The following WDR88 variants were observed in gnomAD, a reference collection of about 807,000 sequenced individuals.
WDR88 encodes WD repeat domain 88.
A neutral mutation model predicts 46.8 loss-of-function variants in WDR88; 40 were observed. The ratio of observed to expected loss-of-function variants is 0.86; its 90% CI spans 0.66 to 1.11. The LOEUF (loss-of-function observed/expected upper bound fraction) is 1.11. Among genes scored for constraint, WDR88 ranks in the 50% most tolerant of loss-of-function variants. The pLI is 0.00. For missense variants in WDR88, 562 were observed against 602.4 expected (o/e 0.93, Z 0.70); for synonymous variants, 235 against 240.7 (o/e 0.98, Z 0.22).
At chr19:33,143,760 C>T (rs1054594635) in intron 2 of WDR88, among the ~76,000 whole-genome samples, 23 of 152,160 alleles carry the variant, frequency 1.5e-4, no homozygotes, top group Admixed American at 1.2e-3. Flanking sequence ...TTTCCATGAC[C>T]CCAAAGTTAA....
chr19:33,148,701 A>G, intron 4 of WDR88, 71 bp from the exon 5 acceptor site: 1 of 1,589,984 alleles, frequency 6.3e-7, no homozygotes, highest in East Asian at 2.2e-5. Context: ...GGCCTCCCAA[A>G]GCACTGGGTT....
In WDR88 at chr19:33,137,784, G is replaced by A; in HGVS notation, c.384G>A (p.Leu128=). 1 of 1,612,464 alleles carries A rather than the reference G, an allele frequency of 6.2e-7. No individual in the cohort carries two copies. The highest frequency in any genetic ancestry group is 8.5e-7 in the Non-Finnish European group (1 of 1,179,704). ...LSGSYDCTVK[L]WDPVDGSVVR... is the part of the protein sequence containing the mutation. ...GCTCCTATGACTGCACTGTGAAGCT[G>A]TGGGTAGGTGGCCGGCTGTTAGGTA... The change falls in exon 2 of 11, where the codon CTG becomes CTA. Residue 128 remains leucine (L), a synonymous_variant. Transcript: ENST00000355868.
At position 33,152,690 on chromosome 19, in the gene WDR88, C is replaced by T. The variant is rs530420550; in HGVS notation, c.809+1380C>T. 5.3e-5 allele frequency among the ~76,000 whole-genome samples: 8 copies of T among 151,396 alleles called. No individual in the cohort carries two copies. The South Asian group carries it at 1.3e-3, about 24-fold the overall frequency. ...CATCTTGGCTCACTGCAACCTCTGC[C>T]TCCTGGGTTCAAGTGATTCTCCTGC... On this transcript the variant is annotated intron_variant, in intron 6 of 10. Coordinates refer to ENST00000355868, the MANE Select transcript of WDR88 (RefSeq NM_173479.4).
chr19:33,140,432 C>G (rs1973365967), intron 2 of WDR88, among the ~76,000 whole-genome samples: 1 of 152,162 alleles, frequency 6.6e-6, no homozygotes, highest in Admixed American at 6.6e-5. Context: ...AGTGCTGGAA[C>G]TTCAGGCATG....
chr19:33,163,130 G>A (rs536750829), intron 8 of WDR88, among the ~76,000 whole-genome samples: 99 of 152,096 alleles, frequency 6.5e-4, no homozygotes, highest in African/African-American at 2.3e-3. Flanking sequence ...TCAGAAGATC[G>A]AGACCATCCT....
At chr19:33,144,699 C>A in intron 2 of WDR88, 145 bp from the exon 3 acceptor site, 1 of 712,732 alleles carries the variant, frequency 1.4e-6, no homozygotes, top group South Asian at 1.6e-5. Flanking sequence ...TTTCCTCTTT[C>A]GGAGCTGAGT....
intron 10 of WDR88, among the ~76,000 whole-genome samples, chr19:33,173,719 G>C (rs921046391): frequency 7.2e-5 from 11 of 152,252 alleles, no homozygotes; most frequent in Admixed American, 2.6e-4. Flanking sequence ...AGCAGTGATG[G>C]CCCTTGTTTT....
At chr19:33,155,725 C>T (rs555052783) in intron 6 of WDR88, among the ~76,000 whole-genome samples, 5 of 152,290 alleles carry the variant, frequency 3.3e-5, no homozygotes, top group African/African-American at 9.6e-5. Flanking sequence ...TTCCCTCCAG[C>T]GCCAAGGGAA....
In WDR88 at chr19:33,151,293, G is replaced by A. The variant is rs1254186404; in HGVS notation, c.792G>A (p.Thr264=). The change falls in exon 6 of 11, where the codon ACG becomes ACA. Residue 264 remains threonine, a synonymous_variant. Transcript: ENST00000355868. Reference sequence around the variant, plus strand: ...TCTGGGATGTTACATCCCAGGCCACGCTGCTCACCATCACTAAGTGAGTTG... The same window carrying A: ...TCTGGGATGTTACATCCCAGGCCACACTGCTCACCATCACTAAGTGAGTTG... The part of the protein sequence containing the change: ...IKIWDVTSQA[T]LLTITKAHSN... 3.7e-6 allele frequency: 6 copies of A among 1,613,318 alleles called. No individual in the cohort carries two copies. Among genetic ancestry groups the A allele is most frequent in the Middle Eastern group, 1.7e-4 (1 of 6,000 alleles).
chr19:33,136,375 G>C (rs1973267036), intron 1 of WDR88, among the ~76,000 whole-genome samples: 1 of 151,466 alleles, frequency 6.6e-6, no homozygotes, highest in African/African-American at 2.4e-5. Context: ...ATTTTTAGTA[G>C]AGATGGGGTT....
At position 33,132,353 on chromosome 19, in the gene WDR88, G is replaced by T. The variant is rs1161757722; in HGVS notation, c.184G>T (p.Ala62Ser). ...THLLATLDPL[A>S]LDREPPPHLL... ...CCTGCTGGCCACCCTCGACCCCCTG[G>T]CCTTGGACAGGGAACCACCACCGCA... is the stretch of plus-strand genomic sequence containing the variant. Residue 62 changes from alanine to serine, a missense_variant, in exon 1 of 11, where the codon GCC becomes TCC. Coordinates refer to ENST00000355868, the MANE Select transcript of WDR88 (RefSeq NM_173479.4). 1.9e-6 allele frequency: 3 copies of T among 1,614,038 alleles called. No homozygotes were observed. Among genetic ancestry groups the T allele is most frequent in the Non-Finnish European group, 2.5e-6 (3 of 1,179,996 alleles).
rs957991386 is a variant in WDR88 at position 33,132,346 on chromosome 19, C to G, written c.177C>G (p.Asp59Glu). 6.2e-7 allele frequency: 1 copy of G among 1,614,002 alleles called. No homozygotes were observed. Among genetic ancestry groups the G allele is most frequent in the Admixed American group, 1.7e-5 (1 of 60,010 alleles). The change falls in exon 1 of 11, where the codon GAC (aspartate) becomes GAG (glutamate). Residue 59 changes from aspartate (D) to glutamate (E), a missense_variant. By Grantham distance (45) the Asp-to-Glu change is conservative. Transcript: ENST00000355868. ...ACACGCACCTGCTGGCCACCCTCGA[C>G]CCCCTGGCCTTGGACAGGGAACCAC... ...IPHTHLLATLDPLALDREPPP... is the reference protein window; with the variant it reads ...IPHTHLLATLEPLALDREPPP...
intron 2 of WDR88, among the ~76,000 whole-genome samples, chr19:33,141,724 AG>A (rs1171602290): frequency 2.6e-5 from 4 of 152,172 alleles, no homozygotes; most frequent in South Asian, 2.1e-4. Flanking sequence ...CTTGTTGCTC[AG>A]GCTGGAGTGC....
chr19:33,139,189 T>C (rs944253068), intron 2 of WDR88, among the ~76,000 whole-genome samples: 1 of 152,152 alleles, frequency 6.6e-6, no homozygotes, highest in African/African-American at 2.4e-5. Context: ...TGGGTGCAGA[T>C]CAGCACCCCA....
chr19:33,137,865 G>A, intron 2 of WDR88, 78 bp downstream of exon 2: 1 of 1,228,670 alleles, frequency 8.1e-7, no homozygotes, highest in Non-Finnish European at 1.2e-6. Context: ...GAGTTCCCCA[G>A]CACTGAACTC....
In WDR88 at chr19:33,132,205, T is replaced by G. The variant is rs1395856779; in HGVS notation, c.36T>G (p.His12Gln). 3 of 1,607,540 alleles carry G rather than the reference T, an allele frequency of 1.9e-6. No individual in the cohort carries two copies. The highest frequency in any genetic ancestry group is 1.7e-5 in the Admixed American group (1 of 59,958). The change falls in exon 1 of 11, where the codon CAT (histidine) becomes CAG (glutamine). Residue 12 changes from histidine (H) to glutamine (Q), a missense_variant. Transcript: ENST00000355868. The stretch of plus-strand genomic sequence containing the variant: ...CGCCGCGGTGCTCCCCGACAGCCCA[T>G]GACAGGGAATGCAAGTTGCCGCCAC... ...ASPPRCSPTA[H>Q]DRECKLPPPS...
At chr19:33,133,877 C>T (rs1378133905) in intron 1 of WDR88, among the ~76,000 whole-genome samples, 11 of 152,206 alleles carry the variant, frequency 7.2e-5, no homozygotes, top group African/African-American at 1.7e-4. Flanking sequence ...CTGTCTCCTC[C>T]GTGCCTCATG....
chr19:33,135,052 T>TGGGG (rs968213590), intron 1 of WDR88, among the ~76,000 whole-genome samples: 6 of 20,090 alleles, frequency 3.0e-4, no homozygotes, highest in Admixed American at 6.2e-4. Flanking sequence ...CTGGGGTGGG[T>TGGGG]GGGTGGGGGG....
At chr19:33,137,583 G>A in intron 1 of WDR88, 94 bp from the exon 2 acceptor site, 1 of 1,163,772 alleles carries the variant, frequency 8.6e-7, no homozygotes, top group Non-Finnish European at 1.2e-6. Flanking sequence ...TTTCCGGGTG[G>A]TTTATTGCAA....
Sources: gnomAD v4.1 joint callset for allele counts (sites outside exome capture counted in the v4.1 genomes callset) on GRCh38, gnomAD v4.1.1 for gene constraint, MANE v1.5 for transcripts, NCBI Gene and HGNC (gene_info 2026-07-23, HGNC 2026-07-21) for gene names.